TLL2: variants seen among roughly 807,000 people sequenced by gnomAD.
TLL2 encodes tolloid like 2.
Under a neutral mutation model 123.0 loss-of-function variants are expected in TLL2, and 106 were observed. The ratio of observed to expected loss-of-function variants is 0.86; its 90% CI spans 0.74 to 1.01. TLL2 has a LOEUF of 1.01. TLL2 is among the 50% of genes least tolerant of loss of function. The probability of loss-of-function intolerance (pLI) is 0.00; values close to 1 mark genes in which losing one functional copy is unlikely to be tolerated. For synonymous variants in TLL2, 494 were observed against 516.8 expected, an observed-to-expected ratio of 0.96 and a Z score of 0.60; for missense variants, 1,332 against 1,336.7, an observed-to-expected ratio of 1.00 and a Z score of 0.06.
chr10:96,396,589 T>C (rs942504593), intron 11 of TLL2, among the ~76,000 whole-genome samples: 2 of 149,920 alleles, frequency 1.3e-5, no homozygotes, highest in South Asian at 4.3e-4. Flanking sequence ...TTCTTTTTTT[T>C]TTTTTTTTTT....
chr10:96,400,553 A>G (rs988502154), intron 10 of TLL2, among the ~76,000 whole-genome samples: 6 of 152,172 alleles, frequency 3.9e-5, no homozygotes, highest in African/African-American at 1.4e-4. Context: ...TGGAAATGCC[A>G]GTCTTGGCTG....
intron 3 of TLL2, among the ~76,000 whole-genome samples, chr10:96,441,805 G>A (rs546163482): frequency 1.5e-4 from 23 of 152,186 alleles, no homozygotes; most frequent in Non-Finnish European, 2.2e-4. Flanking sequence ...CCTGAAGTTC[G>A]TGGGGCTCAG....
At chr10:96,391,260 T>G (rs992094983) in intron 13 of TLL2, among the ~76,000 whole-genome samples, 12 of 152,348 alleles carry the variant, frequency 7.9e-5, no homozygotes, top group Middle Eastern at 3.4e-3. Flanking sequence ...GAGCCTACTG[T>G]GTGCCAAGCA....
At chr10:96,369,586 C>T (rs1037635111) in intron 20 of TLL2, among the ~76,000 whole-genome samples, 5 of 151,854 alleles carry the variant, frequency 3.3e-5, no homozygotes, top group African/African-American at 1.2e-4. Flanking sequence ...CATGGTGAAA[C>T]CCCGTCTCTA....
chr10:96,425,066 CTAAT>C (rs1846666593), intron 5 of TLL2, among the ~76,000 whole-genome samples: 1 of 151,268 alleles, frequency 6.6e-6, no homozygotes, highest in Non-Finnish European at 1.5e-5. Context: ...TCCCAATTGA[CTAAT>C]TGATCTTTCT....
intron 3 of TLL2, among the ~76,000 whole-genome samples, chr10:96,435,530 A>G (rs570928186): frequency 9.8e-5 from 15 of 152,312 alleles, no homozygotes; most frequent in Non-Finnish European, 1.6e-4. Context: ...AAGAAACCAT[A>G]GCCTAATTCA....
intron 1 of TLL2, among the ~76,000 whole-genome samples, chr10:96,510,104 G>A (rs546441669): frequency 1.9e-4 from 29 of 152,218 alleles, no homozygotes; most frequent in Non-Finnish European, 3.4e-4. Flanking sequence ...GGTGAGTAAG[G>A]CGGGGCAGGG....
In TLL2 at chr10:96,366,376, G is replaced by A. The variant is rs970421640; in HGVS notation, c.*1712C>T. 3.3e-5 allele frequency: 5 copies of A among 152,832 alleles called. No individual in the cohort carries two copies. In the East Asian group the frequency reaches 7.7e-4, roughly 24 times the overall value. The allele number at this position is 152,832 out of a possible 1,614,324, so 9.5% of individuals were successfully genotyped here. The stretch of plus-strand genomic sequence containing the variant: ...AGTCCTGCAGGGCCCACAGTAAAGC[G>A]AGGACCAGGGGTTGGCATTTTCCAC... On this transcript the variant is annotated 3_prime_UTR_variant, in exon 21 of 21. Coordinates refer to ENST00000357947, the MANE Select transcript of TLL2 (RefSeq NM_012465.4).
At chr10:96,387,767 A>G (rs928134242) in intron 13 of TLL2, among the ~76,000 whole-genome samples, 6 of 152,196 alleles carry the variant, frequency 3.9e-5, no homozygotes, top group African/African-American at 1.4e-4. Flanking sequence ...ATAACAGCAC[A>G]TAGCATGCCA....
chr10:96,489,364 C>T (rs1044049847), intron 1 of TLL2, among the ~76,000 whole-genome samples: 3 of 151,954 alleles, frequency 2.0e-5, no homozygotes, highest in African/African-American at 7.3e-5. Flanking sequence ...CCTGTCTCTA[C>T]CAAAAAATCA....
chr10:96,422,341 C>T (rs1397243604), intron 6 of TLL2, among the ~76,000 whole-genome samples: 1 of 152,096 alleles, frequency 6.6e-6, no homozygotes, highest in Non-Finnish European at 1.5e-5. Flanking sequence ...CTGCTCCAAC[C>T]TACAAGCTAT....
chr10:96,369,546 AG>A (rs1188684551), intron 20 of TLL2, among the ~76,000 whole-genome samples: 3 of 152,130 alleles, frequency 2.0e-5, no homozygotes, highest in Admixed American at 2.0e-4. Context: ...GGATCACTTG[AG>A]GTCAGGAGTT....
intron 2 of TLL2, among the ~76,000 whole-genome samples, chr10:96,476,240 A>ATATATATATATATATTCTTT: frequency 4.9e-5 from 1 of 20,502 alleles, no homozygotes; most frequent in African/African-American, 1.7e-4. Flanking sequence ...ATATATATAT[A>ATATATATATATATATTCTTT]TTTTATTTTT....
chr10:96,456,846 T>C (rs1455498997), intron 2 of TLL2, among the ~76,000 whole-genome samples: 1 of 152,146 alleles, frequency 6.6e-6, no homozygotes, highest in East Asian at 1.9e-4. Flanking sequence ...GCAAGCAACC[T>C]GGTGAAGGAA....
At chr10:96,437,732 A>G (rs1800893463) in intron 3 of TLL2, among the ~76,000 whole-genome samples, 1 of 152,202 alleles carries the variant, frequency 6.6e-6, no homozygotes, top group Non-Finnish European at 1.5e-5. Context: ...GCCTGTATGA[A>G]TAGTTTATTT....
At chr10:96,454,534 G>C (rs1031141005) in intron 2 of TLL2, among the ~76,000 whole-genome samples, 13 of 152,172 alleles carry the variant, frequency 8.5e-5, no homozygotes, top group African/African-American at 3.1e-4. Context: ...CATGCTCTTA[G>C]AGTACCTCTG....
chr10:96,503,899 A>C (rs1380573575), intron 1 of TLL2, among the ~76,000 whole-genome samples: 1 of 152,180 alleles, frequency 6.6e-6, no homozygotes, highest in African/African-American at 2.4e-5. Flanking sequence ...GGCAGCATGG[A>C]GAAGCTCGTT....
In TLL2 at chr10:96,384,685, G is replaced by A. The variant is rs757630744; in HGVS notation, c.2096C>T (p.Thr699Met). The change falls in exon 16 of 21, where the codon ACG becomes ATG. Residue 699 changes from threonine to methionine, a missense_variant. Transcript: ENST00000357947. ...GCTCTGCGAGGTGATGACCTCCGGCGTCTCAGAGCCGCAGAACCTGCCGTG... is the reference window on the plus strand; with the variant it reads ...GCTCTGCGAGGTGATGACCTCCGGCATCTCAGAGCCGCAGAACCTGCCGTG... The part of the protein sequence containing the change: ...KLHGRFCGSE[T>M]PEVITSQSNN... 7 of 1,612,960 alleles carry A rather than the reference G, an allele frequency of 4.3e-6. No individual in the cohort carries two copies. The highest frequency in any genetic ancestry group is 2.2e-5 in the East Asian group (1 of 44,820).
chr10:96,397,259 C>G lies in TLL2; in HGVS notation c.1311G>C (p.Thr437=), dbSNP rs761698869. 6.2e-7 allele frequency: 1 copy of G among 1,613,762 alleles called. No homozygotes were observed. The highest frequency in any genetic ancestry group is 8.5e-7 in the Non-Finnish European group (1 of 1,179,792). The change falls in exon 11 of 21, where the codon ACG becomes ACC. Residue 437 remains threonine, a synonymous_variant. Transcript: ENST00000357947. ...GGAACTCCACCCAGAGCCGGCTGTC[C>G]GTGGAGACGAGGGGCTCCGGGATCT... is the stretch of plus-strand genomic sequence containing the variant. ...GDKIPEPLVS[T]DSRLWVEFRS...
Sources: gnomAD v4.1 joint callset for allele counts (sites outside exome capture counted in the v4.1 genomes callset) on GRCh38, gnomAD v4.1.1 for gene constraint, MANE v1.5 for transcripts, NCBI Gene and HGNC (gene_info 2026-07-23, HGNC 2026-07-21) for gene names.